Variants in ZNF593 observed in about 807,000 individuals in gnomAD.
ZNF593 encodes the protein zinc finger protein 593.
Under a neutral mutation model 12.9 loss-of-function variants are expected in ZNF593, and 18 were observed. That is an observed-to-expected ratio of 1.40 (90% CI 0.96 to 2.07). The LOEUF is 2.07. Among genes scored for constraint, ZNF593 ranks in the 30% most tolerant of loss-of-function variants. The pLI is 0.00. For missense variants in ZNF593, 198 were observed against 186.7 expected (o/e 1.06, Z -0.35); for synonymous variants, 79 against 79.9 (o/e 0.99, Z 0.06).
Position 26,169,916 on chromosome 1 carries a change from C to T in ZNF593, c.-68C>T. The T allele has an allele frequency of 6.9e-7, 1 of 1,451,588 alleles. No individual in the cohort carries two copies. The highest frequency in any genetic ancestry group is 9.1e-7 in the Non-Finnish European group (1 of 1,099,158). The allele number at this position is 1,451,588 out of a possible 1,614,324, so 89.9% of individuals were successfully genotyped here. A position where few individuals can be genotyped will look rare whatever the true frequency, so the allele number is the denominator to read the frequency against. ...CGTGGCCTGACGTAGCTGATCGGCC[C>T]GGAAGTGCTCACACGTGTGCTCCCT... On this transcript the variant is annotated 5_prime_UTR_variant, in exon 1 of 3. Transcript: ENST00000374266.
chr1:26,170,766 A>G lies in ZNF593; in HGVS notation c.*50A>G. ...GGAATTGCCCATGGACAGTGACGCA[A>G]GGACTAGGCTGGGAGGGAGCGTGCC... On this transcript the variant is annotated 3_prime_UTR_variant, in exon 3 of 3. Transcript: ENST00000374266. 1 of 1,576,134 alleles carries G rather than the reference A, an allele frequency of 6.3e-7. No homozygotes were observed. The highest frequency in any genetic ancestry group is 1.3e-5 in the African/African-American group (1 of 74,494).
Position 26,170,808 on chromosome 1 carries a change from G to A in ZNF593, c.*92G>A. 1 of 1,497,478 alleles carries A rather than the reference G, an allele frequency of 6.7e-7. No individual in the cohort carries two copies. The highest frequency in any genetic ancestry group is 8.9e-7 in the Non-Finnish European group (1 of 1,125,480). 92.8% of individuals were successfully genotyped at this position (1,497,478 alleles called of 1,614,324 possible). On this transcript the variant is annotated 3_prime_UTR_variant, in exon 3 of 3. Coordinates refer to ENST00000374266, the MANE Select transcript of ZNF593 (RefSeq NM_015871.5). ...GAGCGTGCCAACCCCTTTTGCCTCT[G>A]GGTTTGGGGAGCGGAGGGCCTCTTC...
chr1:26,170,010 G>T lies in ZNF593; in HGVS notation c.27G>T (p.Ala9=). 1.3e-6 allele frequency: 2 copies of T among 1,557,994 alleles called. No homozygotes were observed. The highest frequency in any genetic ancestry group is 2.3e-5 in the South Asian group (2 of 85,128). ...TGGGTCGCTCCCGCCGGACAGGCGC[G>T]CACCGAGCGCACTCTCTAGCCCGGC... MGRSRRTG[A]HRAHSLARQM... is the part of the protein sequence containing the mutation. Residue 9 remains alanine, a synonymous_variant, in exon 1 of 3, where the codon GCG becomes GCT. Transcript: ENST00000374266.
chr1:26,170,375 G>T, intron 1 of ZNF593, 43 bp from the exon 2 acceptor site: 1 of 1,592,680 alleles, frequency 6.3e-7, no homozygotes, highest in South Asian at 1.1e-5. Flanking sequence ...GCACTTGGGA[G>T]ACTATCACCT....
intron 1 of ZNF593, 45 bp from the exon 2 acceptor site, chr1:26,170,373 G>T (rs556605068): frequency 6.3e-7 from 1 of 1,591,584 alleles, no homozygotes; most frequent in African/African-American, 1.3e-5. Context: ...GTGCACTTGG[G>T]AGACTATCAC....
rs1178626542 is a variant in ZNF593, at chr1:26,170,495, GGA to G, written c.263+19_263+20del. On this transcript the variant is annotated intron_variant, in intron 2 of 2. Coordinates refer to ENST00000374266, the MANE Select transcript of ZNF593 (RefSeq NM_015871.5). ...CACAAGAAAAGGTATGAAGGAGTAA[GGA>G]GAGGATTGATGGATGGGTGCTCAGC... 1.9e-6 allele frequency: 3 copies of G among 1,614,220 alleles called. No individual in the cohort carries two copies. Among genetic ancestry groups the G allele is most frequent in the Non-Finnish European group, 1.7e-6 (2 of 1,180,008 alleles).
rs756845836 is a variant in ZNF593 at position 26,170,599 on chromosome 1, C to CT, written c.289dup (p.Tyr97LeufsTer30). On this transcript the variant is annotated frameshift_variant, in exon 3 of 3. Transcript: ENST00000374266. LOFTEE classifies it high-confidence loss of function. Reference sequence around the variant, plus strand: ...GGCTGAAGCAGCTGAGCGTCGAGCCCTACAGTCAGGAAGAGGCGGAGAGGG... The same window carrying CT: ...GGCTGAAGCAGCTGAGCGTCGAGCCCTTACAGTCAGGAAGAGGCGGAGAGGG... The CT allele has an allele frequency of 1.2e-5, 19 of 1,613,662 alleles. No homozygotes were observed. Among genetic ancestry groups the CT allele is most frequent in the Admixed American group, 1.7e-5 (1 of 60,006 alleles).
chr1:26,170,089 C>A lies in ZNF593; in HGVS notation c.106C>A (p.Arg36=), dbSNP rs1167954498. 6.4e-7 allele frequency: 1 copy of A among 1,571,962 alleles called. No homozygotes were observed. Among genetic ancestry groups the A allele is most frequent in the Non-Finnish European group, 8.6e-7 (1 of 1,161,368 alleles). Residue 36 remains arginine (R), a synonymous_variant, in exon 1 of 3, where the codon CGG becomes AGG. Coordinates refer to ENST00000374266, the MANE Select transcript of ZNF593 (RefSeq NM_015871.5). ...CTTGGATGAGATTCACCGCGAGCTG[C>A]GGCCTCAGGGATCCGCACGACCCCA... ...PDLDEIHREL[R]PQGSARPQPD... is the part of the protein sequence containing the mutation.
At position 26,170,127 on chromosome 1, in the gene ZNF593, C is replaced by A; in HGVS notation, c.144C>A (p.Asn48Lys). 1.3e-6 allele frequency: 2 copies of A among 1,571,464 alleles called. No homozygotes were observed. The highest frequency in any genetic ancestry group is 1.2e-5 in the South Asian group (1 of 86,610). ...CCGCACGACCCCAGCCCGACCCAAA[C>A]GCCGAGTTCGACCCCGACCTGCCAG... ...QGSARPQPDP[N>K]AEFDPDLPGG... Residue 48 changes from asparagine (N) to lysine (K), a missense_variant, in exon 1 of 3, where the codon AAC (asparagine) becomes AAA (lysine). Coordinates refer to ENST00000374266, the MANE Select transcript of ZNF593 (RefSeq NM_015871.5).
chr1:26,170,266 C>T, intron 1 of ZNF593, 83 bp downstream of exon 1: 2 of 1,557,854 alleles, frequency 1.3e-6, no homozygotes, highest in Non-Finnish European at 8.7e-7. Context: ...CCCCAGGCAG[C>T]GCAGAGTCTT....
Position 26,170,769 on chromosome 1 carries a change from A to T in ZNF593, c.*53A>T. ...ATTGCCCATGGACAGTGACGCAAGG[A>T]CTAGGCTGGGAGGGAGCGTGCCAAC... is the stretch of plus-strand genomic sequence containing the variant. On this transcript the variant is annotated 3_prime_UTR_variant, in exon 3 of 3. Transcript: ENST00000374266. 1 of 1,573,282 alleles carries T rather than the reference A, an allele frequency of 6.4e-7. No individual in the cohort carries two copies. Among genetic ancestry groups the T allele is most frequent in the Non-Finnish European group, 8.6e-7 (1 of 1,164,606 alleles).
Position 26,170,268 on chromosome 1 carries a change from CAG to C in ZNF593, c.200+88_200+89del, listed in dbSNP as rs147347923. The C allele has an allele frequency of 2.2e-3, 3,473 of 1,558,566 alleles. 49 individuals are homozygous for C. In the African/African-American group the frequency reaches 0.032, roughly 14 times the overall value. ...TGTGAAGTTGAAGCCCCAGGCAGCG[CAG>C]AGTCTTCTCTCTTGGGACCCGTGGG... On this transcript the variant is annotated intron_variant, in intron 1 of 2. Coordinates refer to ENST00000374266, the MANE Select transcript of ZNF593 (RefSeq NM_015871.5).
In ZNF593 at chr1:26,170,322, C is replaced by G. The variant is rs2232652; in HGVS notation, c.201-96C>G. On this transcript the variant is annotated intron_variant, in intron 1 of 2. Transcript: ENST00000374266. ...CCGCCCGCCTCCCGTTTCTCAGACC[C>G]GGATCCTGGCGTCAGGGACAAGCTA... The G allele has an allele frequency of 3.4e-4, 517 of 1,532,074 alleles. 3 individuals are homozygous for G. In the African/African-American group the frequency reaches 6.6e-3, roughly 19 times the overall value. The allele number at this position is 1,532,074 out of a possible 1,614,324, so 94.9% of individuals were successfully genotyped here.
rs913697205 is a variant in ZNF593, at chr1:26,170,686, T to C, written c.375T>C (p.Thr125=). ...TGGCAGTGCCCACGGAAGTGTCCAC[T>C]GAGGTCCCTGAGATGGATACCTCTA... The part of the protein sequence containing the change: ...RRLAVPTEVS[T]EVPEMDTST The change falls in exon 3 of 3, where the codon ACT becomes ACC. Residue 125 remains threonine, a synonymous_variant. Coordinates refer to ENST00000374266, the MANE Select transcript of ZNF593 (RefSeq NM_015871.5). The C allele has an allele frequency of 1.9e-6, 3 of 1,608,992 alleles. No individual in the cohort carries two copies. The highest frequency in any genetic ancestry group is 3.3e-4 in the Middle Eastern group (2 of 6,044).
chr1:26,170,206 C>T (rs975776669), intron 1 of ZNF593, 23 bp downstream of exon 1: 1 of 1,578,168 alleles, frequency 6.3e-7, no homozygotes, highest in Non-Finnish European at 8.6e-7. Flanking sequence ...CGAGCCCGGC[C>T]TGGGGCGGAG....
At position 26,170,622 on chromosome 1, in the gene ZNF593, G is replaced by A. The variant is rs778970503; in HGVS notation, c.311G>A (p.Arg104Lys). The A allele has an allele frequency of 2.4e-5, 38 of 1,613,446 alleles. No individual in the cohort carries two copies. Among genetic ancestry groups the A allele is most frequent in the Middle Eastern group, 1.6e-4 (1 of 6,084 alleles). Residue 104 changes from arginine to lysine, a missense_variant, in exon 3 of 3, where the codon AGG (arginine) becomes AAG (lysine). Arg to Lys is a conservative substitution (Grantham distance 26, BLOSUM62 2). Transcript: ENST00000374266. Reference sequence around the variant, plus strand: ...CCCTACAGTCAGGAAGAGGCGGAGAGGGCAGCGGGTATGGGATCCTATGTG... The same window carrying A: ...CCCTACAGTCAGGAAGAGGCGGAGAAGGCAGCGGGTATGGGATCCTATGTG... ...VEPYSQEEAE[R>K]AAGMGSYVPP...
In ZNF593 at chr1:26,170,422, T is replaced by C; in HGVS notation, c.205T>C (p.Tyr69His). The C allele has an allele frequency of 1.2e-6, 2 of 1,613,742 alleles. No individual in the cohort carries two copies. Among genetic ancestry groups the C allele is most frequent in the Non-Finnish European group, 1.7e-6 (2 of 1,179,820 alleles). ...GLHRCLACAR[Y>H]FIDSTNLKTH... ...TTCTCACTTCCATTCCTACAGGAGG[T>C]ACTTCATCGATTCCACCAACCTGAA... Residue 69 changes from tyrosine to histidine, a missense_variant, in exon 2 of 3, where the codon TAC becomes CAC. Transcript: ENST00000374266.
Position 26,170,631 on chromosome 1 carries a change from G to T in ZNF593, c.320G>T (p.Gly107Val), listed in dbSNP as rs536848535. ...CAGGAAGAGGCGGAGAGGGCAGCGG[G>T]TATGGGATCCTATGTGCCCCCCAGG... is the stretch of plus-strand genomic sequence containing the variant. ...YSQEEAERAA[G>V]MGSYVPPRRL... is the part of the protein sequence containing the mutation. The change falls in exon 3 of 3, where the codon GGT (glycine) becomes GTT (valine). Residue 107 changes from glycine (G) to valine (V), a missense_variant. Gly to Val is a moderately radical substitution (Grantham distance 109, BLOSUM62 -3). Transcript: ENST00000374266. 2 of 1,613,320 alleles carry T rather than the reference G, an allele frequency of 1.2e-6. No homozygotes were observed. The highest frequency in any genetic ancestry group is 8.5e-7 in the Non-Finnish European group (1 of 1,180,034).
rs112992918 is a variant in ZNF593, at chr1:26,170,734, G to C, written c.*18G>C. ...CTACCTGACATGGCCTGAAGATGCA[G>C]GGCAGAGGAATTGCCCATGGACAGT... On this transcript the variant is annotated 3_prime_UTR_variant, in exon 3 of 3. Transcript: ENST00000374266. 6.3e-7 allele frequency: 1 copy of C among 1,597,828 alleles called. No individual in the cohort carries two copies. Among genetic ancestry groups the C allele is most frequent in the South Asian group, 1.1e-5 (1 of 90,866 alleles).
Sources: gnomAD v4.1 joint callset for allele counts on GRCh38, gnomAD v4.1.1 for gene constraint, MANE v1.5 for transcripts, NCBI Gene and HGNC (gene_info 2026-07-23, HGNC 2026-07-21) for gene names.